Variants in CA5A observed in about 807,000 individuals in gnomAD.
The protein encoded by CA5A is carbonic anhydrase 5A, mitochondrial.
A neutral mutation model predicts 37.1 loss-of-function variants in CA5A; 28 were observed. The observed-to-expected ratio is 0.75, with a 90% CI of 0.56 to 1.03. The LOEUF (loss-of-function observed/expected upper bound fraction) is 1.03. Ranked by LOEUF, CA5A falls within the 50% of genes least tolerant of loss-of-function variation. CA5A has a pLI of 0.00. For synonymous variants in CA5A, 171 were observed against 158.4 expected (o/e 1.08, Z -0.60); for missense variants, 444 against 399.9 (o/e 1.11, Z -0.94).
chr16:87,909,457 G>A (rs2056017078), intron 2 of CA5A, among the ~76,000 whole-genome samples: 1 of 152,232 alleles, frequency 6.6e-6, no homozygotes, highest in African/African-American at 2.4e-5. Flanking sequence ...GAGGATAACT[G>A]CAAAGGAAGG....
intron 2 of CA5A, among the ~76,000 whole-genome samples, chr16:87,915,292 G>A (rs1447203678): frequency 2.0e-5 from 3 of 152,052 alleles, no homozygotes; most frequent in Non-Finnish European, 4.4e-5. Flanking sequence ...TTCCTCCAAG[G>A]CCCAAACTGG....
At chr16:87,919,354 C>T (rs955340934) in intron 2 of CA5A, among the ~76,000 whole-genome samples, 18 of 152,258 alleles carry the variant, frequency 1.2e-4, no homozygotes, top group Non-Finnish European at 4.4e-5. Context: ...CACCTTGCTC[C>T]AGGCGGGGTC....
At chr16:87,887,676 G>T (rs59987255), downstream of CA5A, 26,955 of 156,682 alleles carry the variant, frequency 0.17, 2,485 homozygotes, top group South Asian at 0.26. Context: ...GCCTCCCAAA[G>T]TGCTGGGATT....
chr16:87,893,891 G>C (rs920371071), intron 5 of CA5A, among the ~76,000 whole-genome samples: 1 of 152,172 alleles, frequency 6.6e-6, no homozygotes, highest in African/African-American at 2.4e-5. Context: ...CCCCGCCTCA[G>C]TTTCCCAAGT....
Position 87,928,786 on chromosome 16 carries a change from T to G in CA5A, c.143-1841A>C, listed in dbSNP as rs868850657. Among the ~76,000 whole-genome samples the G allele has an allele frequency of 4.8e-4, 49 of 102,070 alleles. 1 individual carries two copies. The highest frequency in any genetic ancestry group is 1.8e-3 in the African/African-American group (49 of 27,822). 67.0% of individuals were successfully genotyped at this position (102,070 alleles called of 152,430 possible). ...TTTTTTTTTTTTTTTTTTTTTTTTTTGAGACGGAGTCTCACTCGGTCGCCC... is the reference window on the plus strand; with the variant it reads ...TTTTTTTTTTTTTTTTTTTTTTTTTGGAGACGGAGTCTCACTCGGTCGCCC... On this transcript the variant is annotated intron_variant, in intron 1 of 6. Transcript: ENST00000649794.
intron 2 of CA5A, chr16:87,924,031 A>T: frequency 1.0e-6 from 1 of 985,480 alleles, no homozygotes; most frequent in Non-Finnish European, 1.2e-6. Flanking sequence ...AACTTGGAAC[A>T]GACCAACAAG....
intron 2 of CA5A, chr16:87,924,410 G>A: frequency 2.7e-6 from 2 of 733,196 alleles, no homozygotes; most frequent in Non-Finnish European, 3.3e-6. Context: ...GCCTGGCACA[G>A]AGAAGAAGCT....
downstream of CA5A, chr16:87,886,757 C>A (rs1251390900): frequency 6.6e-6 from 1 of 152,190 alleles, no homozygotes; most frequent in Non-Finnish European, 1.5e-5. Flanking sequence ...CAAAACTATT[C>A]ACAGAAGAGC....
At chr16:87,899,610 G>T (rs1303860660) in intron 5 of CA5A, among the ~76,000 whole-genome samples, 1 of 149,688 alleles carries the variant, frequency 6.7e-6, no homozygotes, top group African/African-American at 2.4e-5. Flanking sequence ...GCCTCTTAAG[G>T]TCTTTTAATT....
chr16:87,900,348 G>A (rs912464613), intron 5 of CA5A, among the ~76,000 whole-genome samples: 1 of 152,176 alleles, frequency 6.6e-6, no homozygotes, highest in Non-Finnish European at 1.5e-5. Flanking sequence ...GGGGCGGCAG[G>A]GGGTGATCTG....
At chr16:87,929,898 A>T (rs1460959832) in intron 1 of CA5A, among the ~76,000 whole-genome samples, 1 of 150,322 alleles carries the variant, frequency 6.7e-6, no homozygotes, top group Non-Finnish European at 1.5e-5. Flanking sequence ...AAAAAAAAAT[A>T]AGTAAACCAT....
At position 87,930,735 on chromosome 16, in the gene CA5A, A is replaced by ATTTTTTTTTTTTTTTT. The variant is rs68126628; in HGVS notation, c.143-3806_143-3791dup. Among the ~76,000 whole-genome samples, 2 of 134,498 alleles carry ATTTTTTTTTTTTTTTT rather than the reference A, an allele frequency of 1.5e-5. 1 individual carries two copies. The highest frequency in any genetic ancestry group is 5.8e-5 in the African/African-American group (2 of 34,772). 88.2% of individuals were successfully genotyped at this position (134,498 alleles called of 152,430 possible). On this transcript the variant is annotated intron_variant, in intron 1 of 6. Transcript: ENST00000649794. ...CCTCTGCTGCCAGATCTTTGGATCT[A>ATTTTTTTTTTTTTTTT]TTTTTTTTTTTTTTTTCTTTTTTGA...
At chr16:87,904,535 C>T (rs1329511215) in intron 3 of CA5A, among the ~76,000 whole-genome samples, 8 of 152,178 alleles carry the variant, frequency 5.3e-5, no homozygotes, top group African/African-American at 1.7e-4. Flanking sequence ...CTGGCTTTGG[C>T]AAGTTCCGTA....
intron 2 of CA5A, among the ~76,000 whole-genome samples, chr16:87,916,767 C>T (rs1364048140): frequency 6.6e-6 from 1 of 152,082 alleles, no homozygotes; most frequent in East Asian, 1.9e-4. Context: ...ACACAGGGGT[C>T]GCGGTGCACC....
At chr16:87,928,131 T>C (rs887833138) in intron 1 of CA5A, among the ~76,000 whole-genome samples, 8 of 152,116 alleles carry the variant, frequency 5.3e-5, no homozygotes, top group Admixed American at 3.3e-4. Flanking sequence ...GTCCTCACCT[T>C]CACAGGCCTG....
chr16:87,934,683 G>A (rs1365523169), intron 1 of CA5A, among the ~76,000 whole-genome samples: 1 of 152,128 alleles, frequency 6.6e-6, no homozygotes, highest in Non-Finnish European at 1.5e-5. Flanking sequence ...AAGGGGGGTG[G>A]GTGCAGTGGC....
chr16:87,898,608 A>G (rs910193151), intron 5 of CA5A, among the ~76,000 whole-genome samples: 1 of 152,206 alleles, frequency 6.6e-6, no homozygotes, highest in African/African-American at 2.4e-5. Flanking sequence ...TGTGCCTTCC[A>G]CAGCAGACTT....
chr16:87,886,523 G>T (rs2055649363), downstream of CA5A: 1 of 152,048 alleles, frequency 6.6e-6, no homozygotes, highest in African/African-American at 2.4e-5. Context: ...GGGGTGTGAG[G>T]TATGGTGAGA....
At position 87,901,974 on chromosome 16, in the gene CA5A, G is replaced by C. The variant is rs375321548; in HGVS notation, c.556C>G (p.Leu186Val). 1 of 1,613,636 alleles carries C rather than the reference G, an allele frequency of 6.2e-7. No homozygotes were observed. The highest frequency in any genetic ancestry group is 8.5e-7 in the Non-Finnish European group (1 of 1,179,678). The stretch of plus-strand genomic sequence containing the variant: ...TGCAGCGTCTGATGATGGGCCCCGA[G>C]CTGCATGGCAGACAAAGGAGGGGTT... ...GLAVIGVFLKLGAHHQTLQRL... is the reference protein window; with the variant it reads ...GLAVIGVFLKVGAHHQTLQRL... Residue 186 changes from leucine (L) to valine (V), a missense_variant and splice_region_variant, in exon 5 of 7, where the codon CTC becomes GTC. Leu to Val is a conservative substitution (Grantham distance 32). Transcript: ENST00000649794.
Sources: gnomAD v4.1 joint callset for allele counts (sites outside exome capture counted in the v4.1 genomes callset) on GRCh38, gnomAD v4.1.1 for gene constraint, MANE v1.5 for transcripts, NCBI Gene and HGNC (gene_info 2026-07-23, HGNC 2026-07-21) for gene names.